The following PIP4P2 variants were observed in gnomAD, a reference collection of about 807,000 sequenced individuals.
PIP4P2 encodes type 2 phosphatidylinositol 4,5-bisphosphate 4-phosphatase.
A neutral mutation model predicts 33.3 loss-of-function variants in PIP4P2; 19 were observed. The observed-to-expected ratio is 0.57, with a 90% confidence interval of 0.40 to 0.84. The LOEUF (loss-of-function observed/expected upper bound fraction) is 0.84. PIP4P2 is among the 40% of genes least tolerant of loss of function. The probability of loss-of-function intolerance (pLI) is 0.00; values close to 1 mark genes in which losing one functional copy is unlikely to be tolerated. For missense variants in PIP4P2, 270 were observed against 324.7 expected, an observed-to-expected ratio of 0.83 and a Z score of 1.29; for synonymous variants, 110 against 111.9, an observed-to-expected ratio of 0.98 and a Z score of 0.11.
Position 91,018,760 on chromosome 8 carries a change from C to G in PIP4P2, c.363-247G>C, listed in dbSNP as rs149252123. 4.3e-4 allele frequency: 159 copies of G among 370,954 alleles called. 1 individual carries two copies. Among genetic ancestry groups the G allele is most frequent in the Admixed American group, 9.1e-4 (23 of 25,170 alleles). The allele number at this position is 370,954 out of a possible 1,614,324, so 23.0% of individuals were successfully genotyped here. Reference sequence around the variant, plus strand: ...GTCCTAATCAATGGCAACCATTTAACTGTCATTTCCAAGTTTTTGTAAGTT... The same window carrying G: ...GTCCTAATCAATGGCAACCATTTAAGTGTCATTTCCAAGTTTTTGTAAGTT... On this transcript the variant is annotated intron_variant, in intron 3 of 6. Coordinates refer to ENST00000285419, the MANE Select transcript of PIP4P2 (RefSeq NM_018710.3).
At chr8:91,029,842 C>T (rs1285346765) in intron 1 of PIP4P2, among the ~76,000 whole-genome samples, 2 of 152,088 alleles carry the variant, frequency 1.3e-5, no homozygotes, top group Non-Finnish European at 2.9e-5. Flanking sequence ...TGGCGGGCGC[C>T]TGTAGTTCCA....
At chr8:91,024,583 C>T (rs1392270111) in intron 1 of PIP4P2, among the ~76,000 whole-genome samples, 2 of 152,050 alleles carry the variant, frequency 1.3e-5, no homozygotes, top group East Asian at 1.9e-4. Context: ...ACCACCATGC[C>T]TATATTTTCA....
At chr8:91,033,807 T>A (rs576478707) in intron 1 of PIP4P2, among the ~76,000 whole-genome samples, 1 of 152,070 alleles carries the variant, frequency 6.6e-6, no homozygotes, top group Non-Finnish European at 1.5e-5. Flanking sequence ...TGAGACAGAG[T>A]CTCACTCTGT....
intron 5 of PIP4P2, among the ~76,000 whole-genome samples, chr8:91,002,273 C>T (rs1379106269): frequency 1.3e-5 from 2 of 152,114 alleles, no homozygotes; most frequent in African/African-American, 4.8e-5. Context: ...ATGATTTTTA[C>T]AGCTAATTGG....
At chr8:91,017,184 A>C (rs931112553) in intron 4 of PIP4P2, among the ~76,000 whole-genome samples, 1 of 152,278 alleles carries the variant, frequency 6.6e-6, no homozygotes, top group South Asian at 2.1e-4. Context: ...AAAAAGGATA[A>C]GCAATTTAAA....
At chr8:90,995,900 T>A (rs1433148196) in intron 6 of PIP4P2, 80 bp from the exon 7 acceptor site, 1 of 1,435,328 alleles carries the variant, frequency 7.0e-7, no homozygotes, top group East Asian at 2.5e-5. Flanking sequence ...TCAGCTTACA[T>A]GTGATTGTTA....
At chr8:90,997,639 C>T (rs1811646048) in intron 5 of PIP4P2, among the ~76,000 whole-genome samples, 1 of 152,038 alleles carries the variant, frequency 6.6e-6, no homozygotes, top group African/African-American at 2.4e-5. Flanking sequence ...TTAGCACTTT[C>T]TTCTCTGTCT....
At chr8:91,040,522 C>T (rs1404885345) in intron 1 of PIP4P2, 122 bp downstream of exon 1, 1 of 1,138,936 alleles carries the variant, frequency 8.8e-7, no homozygotes, top group East Asian at 2.5e-5. Flanking sequence ...CAGCATCCTT[C>T]CTCAGCCCAA....
chr8:91,032,076 G>A (rs1041256263), intron 1 of PIP4P2, among the ~76,000 whole-genome samples: 2 of 152,156 alleles, frequency 1.3e-5, no homozygotes, highest in South Asian at 4.1e-4. Flanking sequence ...CGATTCCAAG[G>A]CCAAACAGGT....
intron 4 of PIP4P2, among the ~76,000 whole-genome samples, chr8:91,017,957 A>G (rs1811942135): frequency 6.6e-6 from 1 of 152,218 alleles, no homozygotes; most frequent in Non-Finnish European, 1.5e-5. Flanking sequence ...TGCTCCAAGA[A>G]TAATTTATAA....
intron 5 of PIP4P2, among the ~76,000 whole-genome samples, chr8:90,998,779 A>G (rs1404160255): frequency 6.6e-6 from 1 of 152,062 alleles, no homozygotes; most frequent in Non-Finnish European, 1.5e-5. Context: ...TGGATTAAAG[A>G]CTTAAATGTA....
intron 5 of PIP4P2, among the ~76,000 whole-genome samples, chr8:91,003,312 G>A (rs1380879882): frequency 6.6e-6 from 1 of 152,174 alleles, no homozygotes; most frequent in East Asian, 1.9e-4. Context: ...AATAGTCCTG[G>A]TGAGAGATGC....
intron 4 of PIP4P2, among the ~76,000 whole-genome samples, chr8:91,017,737 T>A: frequency 6.6e-6 from 1 of 152,166 alleles, no homozygotes; most frequent in East Asian, 1.9e-4. Context: ...GTCTCCTATA[T>A]GGGCTGAACA....
intron 3 of PIP4P2, among the ~76,000 whole-genome samples, chr8:91,019,409 A>T (rs1811967990): frequency 7.1e-6 from 1 of 141,096 alleles, no homozygotes; most frequent in Admixed American, 7.2e-5. Context: ...AAAAAAAAAA[A>T]AAAAAAAAAA....
intron 1 of PIP4P2, among the ~76,000 whole-genome samples, chr8:91,038,741 C>G (rs1188715296): frequency 6.6e-6 from 1 of 152,092 alleles, no homozygotes; most frequent in African/African-American, 2.4e-5. Context: ...ATGCTTTTAC[C>G]TCTCATTTAT....
intron 5 of PIP4P2, among the ~76,000 whole-genome samples, chr8:91,002,778 G>A (rs1057146422): frequency 2.0e-5 from 3 of 152,126 alleles, no homozygotes; most frequent in Admixed American, 6.6e-5. Context: ...TGTTTTCTAG[G>A]TAGACAAGGG....
At chr8:91,029,665 CCTT>C (rs1423878837) in intron 1 of PIP4P2, among the ~76,000 whole-genome samples, 2 of 152,136 alleles carry the variant, frequency 1.3e-5, no homozygotes, top group Non-Finnish European at 2.9e-5. Flanking sequence ...CTGTCTCCCT[CCTT>C]GTCTCTCCTT....
At chr8:91,009,771 T>C (rs1017984777) in intron 4 of PIP4P2, among the ~76,000 whole-genome samples, 4 of 151,932 alleles carry the variant, frequency 2.6e-5, no homozygotes, top group African/African-American at 9.7e-5. Flanking sequence ...TTTTTTCTTT[T>C]ATGATTAGAG....
At chr8:91,027,437 C>A (rs1812098793) in intron 1 of PIP4P2, among the ~76,000 whole-genome samples, 1 of 152,014 alleles carries the variant, frequency 6.6e-6, no homozygotes, top group Non-Finnish European at 1.5e-5. Context: ...TCTTAAAATC[C>A]ACCATCAAGC....
Sources: gnomAD v4.1 joint callset for allele counts (sites outside exome capture counted in the v4.1 genomes callset) on GRCh38, gnomAD v4.1.1 for gene constraint, MANE v1.5 for transcripts, NCBI Gene and HGNC (gene_info 2026-07-23, HGNC 2026-07-21) for gene names.